Variants in PGAP6 observed in about 807,000 individuals in gnomAD.
PGAP6 encodes post-GPI attachment to proteins factor 6.
A neutral mutation model predicts 68.4 loss-of-function variants in PGAP6; 62 were observed. The ratio of observed to expected loss-of-function variants is 0.91; its 90% CI spans 0.74 to 1.12. The LOEUF is 1.12. PGAP6 is among the 50% of genes most tolerant of loss of function. The pLI is 0.00. For missense variants in PGAP6, 1,188 were observed against 1,068.5 expected, an observed-to-expected ratio of 1.11 and a Z score of -1.56; for synonymous variants, 575 against 474.0, an observed-to-expected ratio of 1.21 and a Z score of -2.77.
At chr16:382,404 C>T (rs933672007), upstream of PGAP6, 16 of 377,300 alleles carry the variant, frequency 4.2e-5, no homozygotes, top group Non-Finnish European at 9.4e-6. Flanking sequence ...CCCCGCCCGG[C>T]GCGCGTGGGC....
At position 372,593 on chromosome 16, in the gene PGAP6, G is replaced by T; in HGVS notation, c.2019+18C>A. ...TCCGAGCACCTGGGCAGCAGTGCCA[G>T]CCAGCCCGGCTCCTTACCCACATGG... On this transcript the variant is annotated intron_variant, in intron 12 of 12. Coordinates refer to ENST00000431232, the MANE Select transcript of PGAP6 (RefSeq NM_021259.3). The T allele has an allele frequency of 1.3e-6, 2 of 1,591,344 alleles. No individual in the cohort carries two copies. The highest frequency in any genetic ancestry group is 1.7e-6 in the Non-Finnish European group (2 of 1,162,314).
chr16:373,788 T>C (rs1364735419), intron 11 of PGAP6, among the ~76,000 whole-genome samples: 1 of 151,604 alleles, frequency 6.6e-6, no homozygotes, highest in Admixed American at 6.6e-5. Context: ...GGATTACAGG[T>C]GTGAGCCACC....
At chr16:377,217 G>C (rs957800198) in intron 3 of PGAP6, 53 bp from the exon 4 acceptor site, 1 of 1,610,352 alleles carries the variant, frequency 6.2e-7, no homozygotes, top group Non-Finnish European at 8.5e-7. Flanking sequence ...GCAGGTGTGA[G>C]GGCATGGTCT....
chr16:385,774 G>A (rs1020257630), upstream of PGAP6, among the ~76,000 whole-genome samples: 9 of 150,812 alleles, frequency 6.0e-5, no homozygotes, highest in South Asian at 2.1e-4. Context: ...ACAGGCGCCT[G>A]CCAACACACC....
At chr16:385,608 G>C (rs866825350), upstream of PGAP6, among the ~76,000 whole-genome samples, 1 of 140,462 alleles carries the variant, frequency 7.1e-6, no homozygotes, top group African/African-American at 2.7e-5. Flanking sequence ...ACAGCGCCCG[G>C]CCTACTCTGA....
chr16:385,090 C>G (rs572832431), upstream of PGAP6, among the ~76,000 whole-genome samples: 1 of 150,216 alleles, frequency 6.7e-6, no homozygotes, highest in Admixed American at 6.7e-5. Flanking sequence ...CACTTGAACC[C>G]GGGAGGTGGA....
chr16:384,032 G>A (rs1270093788), upstream of PGAP6, among the ~76,000 whole-genome samples: 1 of 152,252 alleles, frequency 6.6e-6, no homozygotes, highest in African/African-American at 2.4e-5. Context: ...GGGGCTCCCA[G>A]GGGTTCTCAT....
In PGAP6 at chr16:376,555, G is replaced by C. The variant is rs747767410; in HGVS notation, c.893C>G (p.Ala298Gly). 6.5e-7 allele frequency: 1 copy of C among 1,548,332 alleles called. No individual in the cohort carries two copies. The highest frequency in any genetic ancestry group is 1.4e-5 in the African/African-American group (1 of 73,260). The stretch of plus-strand genomic sequence containing the variant: ...CTTGTGCGGCCCACCTGTGAGGGCA[G>C]CTACAGCACTGAAAGCCACTGTCCC... ...PLGTVAFSAV[A>G]ALTACRPRSV... The change falls in exon 5 of 13, where the codon GCT becomes GGT. Residue 298 changes from alanine (A) to glycine (G), a missense_variant. Transcript: ENST00000431232.
Position 372,062 on chromosome 16 carries a change from C to G in PGAP6, c.2241G>C (p.Trp747Cys), listed in dbSNP as rs767717054. Reference protein sequence around the residue: ...LPPPDQPAEPWACSQKFPCHY... With the variant: ...LPPPDQPAEPCACSQKFPCHY... ...GGCAGGGGAATTTCTGCGAGCAGGC[C>G]CAGGGCTCGGCGGGCTGGTCAGGTG... Residue 747 changes from tryptophan to cysteine, a missense_variant, in exon 13 of 13, where the codon TGG becomes TGC. Coordinates refer to ENST00000431232, the MANE Select transcript of PGAP6 (RefSeq NM_021259.3). 43 of 1,612,522 alleles carry G rather than the reference C, an allele frequency of 2.7e-5. No individual in the cohort carries two copies. The South Asian group carries it at 4.5e-4, about 17-fold the overall frequency.
Position 377,113 on chromosome 16 carries a change from G to C in PGAP6, c.559C>G (p.Arg187Gly). Reference sequence around the variant, plus strand: ...TCCATGATGGAAATCTCGACCACCCGCGTGACCAGCAGTTCAGGCTGGAAG... The same window carrying C: ...TCCATGATGGAAATCTCGACCACCCCCGTGACCAGCAGTTCAGGCTGGAAG... ...YVFQPELLVT[R>G]VVEISIMEPD... Residue 187 changes from arginine to glycine, a missense_variant, in exon 4 of 13, where the codon CGG becomes GGG. Transcript: ENST00000431232. 6.2e-7 allele frequency: 1 copy of C among 1,613,648 alleles called. No individual in the cohort carries two copies. The highest frequency in any genetic ancestry group is 8.5e-7 in the Non-Finnish European group (1 of 1,180,014).
At chr16:377,188 G>C in intron 3 of PGAP6, 24 bp from the exon 4 acceptor site, 1 of 1,612,366 alleles carries the variant, frequency 6.2e-7, no homozygotes, top group Non-Finnish European at 8.5e-7. Context: ...AGGTGTGGGC[G>C]GGGGCGGTGT....
chr16:378,440 G>T (rs878859040), intron 1 of PGAP6, among the ~76,000 whole-genome samples: 52 of 57,402 alleles, frequency 9.1e-4, no homozygotes, highest in African/African-American at 3.5e-3. Context: ...ATCCCCACCC[G>T]CACTGCCATC....
At chr16:378,543 A>G (rs2054412468) in intron 1 of PGAP6, among the ~76,000 whole-genome samples, 1 of 140,860 alleles carries the variant, frequency 7.1e-6, no homozygotes, top group Non-Finnish European at 1.5e-5. Context: ...CCAACCTTAG[A>G]AGACTACACT....
chr16:386,856 G>A (rs766729895), upstream of PGAP6: 6 of 693,618 alleles, frequency 8.7e-6, no homozygotes, highest in Admixed American at 1.8e-5. Context: ...GTTGAAAGGT[G>A]TCCACAGCCA....
chr16:382,802 G>A (rs906438554), upstream of PGAP6, among the ~76,000 whole-genome samples: 1 of 152,068 alleles, frequency 6.6e-6, no homozygotes, highest in African/African-American at 2.4e-5. Flanking sequence ...TCCAAAAGAC[G>A]AGCCCCCGAC....
In PGAP6 at chr16:374,207, A is replaced by G; in HGVS notation, c.1755+14T>C. The G allele has an allele frequency of 6.2e-7, 1 of 1,610,366 alleles. No homozygotes were observed. Among genetic ancestry groups the G allele is most frequent in the Non-Finnish European group, 8.5e-7 (1 of 1,179,704 alleles). The stretch of plus-strand genomic sequence containing the variant: ...CCCTCCCACCCCACATCCCTGCAGG[A>G]GGGGCCAGCCTACCGTGGAGAAGAA... On this transcript the variant is annotated intron_variant, in intron 10 of 12. Coordinates refer to ENST00000431232, the MANE Select transcript of PGAP6 (RefSeq NM_021259.3).
Position 381,906 on chromosome 16 carries a change from G to T in PGAP6, c.-85C>A. On this transcript the variant is annotated 5_prime_UTR_variant, in exon 1 of 13. Coordinates refer to ENST00000431232, the MANE Select transcript of PGAP6 (RefSeq NM_021259.3). The stretch of plus-strand genomic sequence containing the variant: ...CGCCCGGGCAGCCTCTGCCGCCTCC[G>T]CCTCTGCCGCCTCCGCCTCTGCCCC... 1.7e-5 allele frequency: 14 copies of T among 847,146 alleles called. No individual in the cohort carries two copies. Among genetic ancestry groups the T allele is most frequent in the Non-Finnish European group, 1.7e-5 (13 of 761,218 alleles). The allele number at this position is 847,146 out of a possible 1,614,324, so 52.5% of individuals were successfully genotyped here.
upstream of PGAP6, among the ~76,000 whole-genome samples, chr16:385,639 TTTTG>T (rs1472201562): frequency 1.6e-5 from 2 of 127,224 alleles, no homozygotes; most frequent in African/African-American, 3.4e-5. Flanking sequence ...TTTTTTTTTT[TTTTG>T]AGATGGAATC....
intron 1 of PGAP6, among the ~76,000 whole-genome samples, chr16:380,697 G>A (rs1440579403): frequency 6.6e-6 from 1 of 152,202 alleles, no homozygotes; most frequent in East Asian, 1.9e-4. Context: ...ACGGTCCTCG[G>A]GGAAAACTGC....
Sources: allele counts gnomAD v4.1 joint callset (sites outside exome capture counted in the v4.1 genomes callset), GRCh38; gene constraint gnomAD v4.1.1; transcripts MANE v1.5; gene names NCBI Gene and HGNC (gene_info 2026-07-23, HGNC 2026-07-21).